The following HSD17B3 variants were observed in gnomAD, a reference collection of about 807,000 sequenced individuals.
HSD17B3 encodes the protein hydroxysteroid 17-beta dehydrogenase 3.
Under a neutral mutation model 41.1 loss-of-function variants are expected in HSD17B3, and 29 were observed. That is an observed-to-expected ratio of 0.71 (90% CI 0.53 to 0.96). HSD17B3 has a LOEUF of 0.96. Among genes scored for constraint, HSD17B3 ranks in the 40% least tolerant of loss-of-function variants. HSD17B3 has a pLI of 0.00. For missense variants in HSD17B3, 323 were observed against 374.6 expected (o/e 0.86, Z 1.14); for synonymous variants, 126 against 145.6 (o/e 0.87, Z 0.97).
At chr9:96,250,317 A>G (rs1836844958) in intron 5 of HSD17B3, 1 of 1,080,538 alleles carries the variant, frequency 9.3e-7, no homozygotes, top group Non-Finnish European at 1.1e-6. Context: ...CTTCTTGAAG[A>G]GACGTAGATT....
At chr9:96,248,261 A>G (rs1192137853) in intron 6 of HSD17B3, among the ~76,000 whole-genome samples, 1 of 152,248 alleles carries the variant, frequency 6.6e-6, no homozygotes, top group Admixed American at 6.5e-5. Context: ...TGTGTACCCA[A>G]TAGCAACTGA....
chr9:96,265,702 C>A (rs564173253), intron 2 of HSD17B3, among the ~76,000 whole-genome samples: 8 of 152,182 alleles, frequency 5.3e-5, no homozygotes, highest in African/African-American at 1.7e-4. Context: ...ATAAGTATTA[C>A]TAGAAATAAA....
Position 96,235,326 on chromosome 9 carries a change from AT to A in HSD17B3, c.*133del. The A allele has an allele frequency of 1.4e-6, 1 of 717,916 alleles. No homozygotes were observed. Among genetic ancestry groups the A allele is most frequent in the East Asian group, 2.7e-5 (1 of 37,036 alleles). 44.5% of individuals were successfully genotyped at this position (717,916 alleles called of 1,614,324 possible). A position where few individuals can be genotyped will look rare whatever the true frequency, so the allele number is the denominator to read the frequency against. ...TCAAGTAAAGTGGCAAAAAATGTGT[AT>A]TCTATGCCTCTGTGACCCCAGCCCC... On this transcript the variant is annotated 3_prime_UTR_variant, in exon 11 of 11. Transcript: ENST00000375263.
At chr9:96,279,919 G>A (rs533721715) in intron 2 of HSD17B3, among the ~76,000 whole-genome samples, 11 of 152,024 alleles carry the variant, frequency 7.2e-5, no homozygotes, top group Non-Finnish European at 1.5e-4. Context: ...ATAAGCGCCC[G>A]CCACCACCCC....
intron 2 of HSD17B3, among the ~76,000 whole-genome samples, chr9:96,288,340 G>A (rs143155924): frequency 2.6e-5 from 4 of 152,306 alleles, no homozygotes; most frequent in East Asian, 1.9e-4. Flanking sequence ...CATCGATCCT[G>A]AAGTTTTAAA....
At chr9:96,240,652 G>C (rs968398258) in intron 10 of HSD17B3, 106 bp downstream of exon 10, 4 of 1,119,462 alleles carry the variant, frequency 3.6e-6, no homozygotes, top group Non-Finnish European at 5.4e-6. Flanking sequence ...CTATATTAAC[G>C]CATCAATGAG....
chr9:96,235,557 C>T lies in HSD17B3; in HGVS notation c.836G>A (p.Ser279Asn). ...LAHEILAGFL[S>N]LIPAWAFYSG... Reference sequence around the variant, plus strand: ...GTAGAAGGCCCAGGCCGGGATCAGGCTCAGAAAGCCCGCCTTAAACAGAGA... The same window carrying T: ...GTAGAAGGCCCAGGCCGGGATCAGGTTCAGAAAGCCCGCCTTAAACAGAGA... The change falls in exon 11 of 11, where the codon AGC becomes AAC. Residue 279 changes from serine to asparagine, a missense_variant. Ser to Asn is a conservative substitution (Grantham distance 46, BLOSUM62 1). Transcript: ENST00000375263. 1.2e-6 allele frequency: 2 copies of T among 1,613,952 alleles called. No individual in the cohort carries two copies. The highest frequency in any genetic ancestry group is 1.7e-6 in the Non-Finnish European group (2 of 1,179,950).
chr9:96,246,491 T>G, intron 7 of HSD17B3, 65 bp downstream of exon 7: 14 of 1,432,474 alleles, frequency 9.8e-6, no homozygotes, highest in Non-Finnish European at 1.3e-5. Flanking sequence ...CCCCAGTCCC[T>G]GAGTTAGCTG....
intron 2 of HSD17B3, among the ~76,000 whole-genome samples, chr9:96,276,771 C>T (rs1294747954): frequency 1.3e-5 from 2 of 152,122 alleles, no homozygotes; most frequent in African/African-American, 4.8e-5. Context: ...GGATTAAAGA[C>T]TTAAATGCAA....
intron 2 of HSD17B3, among the ~76,000 whole-genome samples, chr9:96,281,304 G>A (rs756527290): frequency 6.6e-6 from 1 of 151,926 alleles, no homozygotes; most frequent in Non-Finnish European, 1.5e-5. Flanking sequence ...AGAAGCCCCC[G>A]ACCCAAAAAA....
chr9:96,245,529 T>C (rs1367263573), intron 7 of HSD17B3, 103 bp from the exon 8 acceptor site: 5 of 840,206 alleles, frequency 6.0e-6, no homozygotes, highest in Non-Finnish European at 8.1e-6. Context: ...GACTCGACCC[T>C]TTCTAGGCTT....
intron 10 of HSD17B3, 50 bp downstream of exon 10, chr9:96,240,708 C>T: frequency 3.1e-6 from 5 of 1,604,270 alleles, no homozygotes; most frequent in Non-Finnish European, 4.3e-6. Context: ...CCAGGGCCAC[C>T]TGCGTGTCCT....
chr9:96,282,076 A>T (rs1216523459), intron 2 of HSD17B3, among the ~76,000 whole-genome samples: 2 of 152,174 alleles, frequency 1.3e-5, no homozygotes, highest in African/African-American at 4.8e-5. Flanking sequence ...TGGGCATAGG[A>T]CACCTGTAAG....
chr9:96,249,894 C>G, intron 5 of HSD17B3, 108 bp from the exon 6 acceptor site: 2 of 1,597,068 alleles, frequency 1.3e-6, no homozygotes, highest in Non-Finnish European at 1.7e-6. Flanking sequence ...CATGTCTGAA[C>G]GGTTTCATCA....
At chr9:96,264,873 CCTTTAG>C (rs1169682613) in intron 2 of HSD17B3, among the ~76,000 whole-genome samples, 1 of 152,140 alleles carries the variant, frequency 6.6e-6, no homozygotes, top group Non-Finnish European at 1.5e-5. Flanking sequence ...GCTAAGGCTA[CCTTTAG>C]CTTTATCAAT....
At chr9:96,267,364 G>C (rs1353980165) in intron 2 of HSD17B3, among the ~76,000 whole-genome samples, 1 of 151,750 alleles carries the variant, frequency 6.6e-6, no homozygotes, top group Non-Finnish European at 1.5e-5. Context: ...CACCATGTTG[G>C]CCAGGCTGGT....
At chr9:96,257,442 C>CT (rs1466298091) in intron 2 of HSD17B3, among the ~76,000 whole-genome samples, 5 of 151,150 alleles carry the variant, frequency 3.3e-5, no homozygotes, top group Non-Finnish European at 7.4e-5. Flanking sequence ...TGAGCCTTCT[C>CT]TAACTATCTC....
chr9:96,271,443 T>C (rs1387341352), intron 2 of HSD17B3, among the ~76,000 whole-genome samples: 2 of 152,230 alleles, frequency 1.3e-5, no homozygotes, highest in African/African-American at 4.8e-5. Flanking sequence ...TCCTTCTTCC[T>C]GGGTACATGA....
At chr9:96,242,225 T>C (rs375341489) in intron 9 of HSD17B3, among the ~76,000 whole-genome samples, 2 of 152,168 alleles carry the variant, frequency 1.3e-5, no homozygotes, top group East Asian at 1.9e-4. Context: ...CTTTGAGAAA[T>C]ATAAGGAGTG....
Sources: allele counts gnomAD v4.1 joint callset (sites outside exome capture counted in the v4.1 genomes callset), GRCh38; gene constraint gnomAD v4.1.1; transcripts MANE v1.5; gene names NCBI Gene and HGNC (gene_info 2026-07-23, HGNC 2026-07-21).